Variants in ATP11A observed in about 807,000 individuals in gnomAD.
The protein encoded by ATP11A is phospholipid-transporting ATPase IH.
Under a neutral mutation model 154.4 loss-of-function variants are expected in ATP11A, and 81 were observed. That is an observed-to-expected ratio of 0.52 (90% CI 0.44 to 0.63). The LOEUF is 0.63. Ranked by LOEUF, ATP11A falls within the 30% of genes least tolerant of loss-of-function variation. The pLI is 0.00. For missense variants in ATP11A, 1,316 were observed against 1,474.3 expected, an observed-to-expected ratio of 0.89 and a Z score of 1.76; for synonymous variants, 623 against 585.9, an observed-to-expected ratio of 1.06 and a Z score of -0.91.
chr13:112,757,667 C>T (rs1566435896), intron 1 of ATP11A, among the ~76,000 whole-genome samples: 2 of 152,350 alleles, frequency 1.3e-5, no homozygotes, highest in East Asian at 3.9e-4. Context: ...GGGGCACGGA[C>T]CAGCAGGCCA....
chr13:112,779,303 G>A (rs1209272435), intron 1 of ATP11A, among the ~76,000 whole-genome samples: 39 of 144,290 alleles, frequency 2.7e-4, no homozygotes, highest in African/African-American at 6.8e-4. Flanking sequence ...GTGAGTAGCC[G>A]CTGGAGTGAG....
intron 12 of ATP11A, among the ~76,000 whole-genome samples, chr13:112,827,155 A>C (rs543860018): frequency 1.3e-5 from 2 of 152,310 alleles, no homozygotes; most frequent in Admixed American, 1.3e-4. Flanking sequence ...GCAGGTGTGA[A>C]TCAAGGCTGG....
At chr13:112,781,730 G>A (rs529678093) in intron 1 of ATP11A, among the ~76,000 whole-genome samples, 1 of 145,696 alleles carries the variant, frequency 6.9e-6, no homozygotes, top group South Asian at 2.2e-4. Context: ...CTCTGTCTAT[G>A]GAGTAGCTGT....
intron 4 of ATP11A, among the ~76,000 whole-genome samples, chr13:112,806,500 C>T (rs913428734): frequency 2.6e-5 from 4 of 152,142 alleles, no homozygotes; most frequent in African/African-American, 7.2e-5. Flanking sequence ...TGGCACCATG[C>T]GAGTTCGAGA....
Position 112,807,636 on chromosome 13 carries a change from T to C in ATP11A, c.333+1343T>C, listed in dbSNP as rs1294468099. On this transcript the variant is annotated intron_variant, in intron 4 of 29. Transcript: ENST00000375645. The surrounding 1 kb of genome is among the most constrained non-coding windows in gnomAD (Gnocchi z 4.5). ...TTAAGCAAAACGATGGGTTTTCTCA[T>C]CAACTTCACAAGGAAATGGTGCTGA... Among the ~76,000 whole-genome samples the C allele has an allele frequency of 6.6e-6, 1 of 152,166 alleles. No homozygotes were observed. Among genetic ancestry groups the C allele is most frequent in the African/African-American group, 2.4e-5 (1 of 41,426 alleles).
At chr13:112,743,793 T>G (rs1304330666) in intron 1 of ATP11A, among the ~76,000 whole-genome samples, 1 of 152,228 alleles carries the variant, frequency 6.6e-6, no homozygotes, top group African/African-American at 2.4e-5. Flanking sequence ...ATTGGTTGTT[T>G]ATTTCCTGTG....
chr13:112,780,574 G>A (rs1436591704), intron 1 of ATP11A, among the ~76,000 whole-genome samples: 2 of 152,140 alleles, frequency 1.3e-5, no homozygotes, highest in African/African-American at 2.4e-5. Flanking sequence ...CATGAACAGC[G>A]CAGCCGTGAA....
At chr13:112,762,935 C>T (rs2139886504) in intron 1 of ATP11A, among the ~76,000 whole-genome samples, 1 of 152,362 alleles carries the variant, frequency 6.6e-6, no homozygotes, top group South Asian at 2.1e-4. Flanking sequence ...GTGACCCATC[C>T]TTTTCTGGTA....
At chr13:112,763,798 C>A (rs957525193) in intron 1 of ATP11A, among the ~76,000 whole-genome samples, 1 of 152,186 alleles carries the variant, frequency 6.6e-6, no homozygotes, top group Admixed American at 6.5e-5. Flanking sequence ...GGCTCCCCCA[C>A]CCCCTGCTTG....
At chr13:112,876,890 G>C (rs1274343508) in intron 28 of ATP11A, among the ~76,000 whole-genome samples, 2 of 152,148 alleles carry the variant, frequency 1.3e-5, no homozygotes, top group African/African-American at 4.8e-5. Context: ...CCCTCCCTTG[G>C]GGGGCACAGC....
intron 17 of ATP11A, among the ~76,000 whole-genome samples, chr13:112,849,617 T>G (rs772195850): frequency 3.3e-5 from 5 of 152,260 alleles, no homozygotes; most frequent in Non-Finnish European, 7.3e-5. Flanking sequence ...ATTCTGCAAT[T>G]CGCATTTATG....
At position 112,859,326 on chromosome 13, in the gene ATP11A, C is replaced by T. The variant is rs1045341507; in HGVS notation, c.2668-67C>T. On this transcript the variant is annotated intron_variant, in intron 22 of 29. Coordinates refer to ENST00000375645, the MANE Select transcript of ATP11A (RefSeq NM_015205.3). This position sits in a 1 kb window ranked among gnomAD's most constrained non-coding sequence, Gnocchi z 4.3. ...CCCTCCTCCCATGTGGGGTGGGCCA[C>T]GTCGGTAGGTGGCGGCTGCCTCCCT... The T allele has an allele frequency of 5.1e-5, 71 of 1,380,122 alleles. No individual in the cohort carries two copies. Among genetic ancestry groups the T allele is most frequent in the Non-Finnish European group, 6.6e-5 (64 of 967,648 alleles). The allele number at this position is 1,380,122 out of a possible 1,614,324, so 85.5% of individuals were successfully genotyped here. A position where few individuals can be genotyped will look rare whatever the true frequency, so the allele number is the denominator to read the frequency against.
chr13:112,815,988 A>G, intron 5 of ATP11A, 95 bp from the exon 6 acceptor site: 1 of 1,544,710 alleles, frequency 6.5e-7, no homozygotes. Context: ...TCTTCCTGTG[A>G]ATAGATGAGC....
At chr13:112,769,129 C>A (rs2077166789) in intron 1 of ATP11A, among the ~76,000 whole-genome samples, 1 of 152,174 alleles carries the variant, frequency 6.6e-6, no homozygotes, top group Non-Finnish European at 1.5e-5. Flanking sequence ...TGGGCTGCCC[C>A]CCGGCTCCTC....
At chr13:112,808,980 C>G (rs1452853663) in intron 4 of ATP11A, among the ~76,000 whole-genome samples, 1 of 152,228 alleles carries the variant, frequency 6.6e-6, no homozygotes, top group Admixed American at 6.5e-5. Context: ...CTTCCCGCAG[C>G]CCGGGCGCTA....
At chr13:112,833,119 C>T in intron 14 of ATP11A, 96 bp downstream of exon 14, 1 of 1,476,666 alleles carries the variant, frequency 6.8e-7, no homozygotes, top group Non-Finnish European at 9.2e-7. Context: ...CGTCCTCAGC[C>T]CCACCCTGTG....
intron 25 of ATP11A, among the ~76,000 whole-genome samples, chr13:112,871,248 A>T (rs1359180398): frequency 6.6e-6 from 1 of 152,236 alleles, no homozygotes; most frequent in African/African-American, 2.4e-5. Flanking sequence ...ACAGTCTGTG[A>T]GTTTGTTCCT....
chr13:112,722,310 A>G (rs9549559), intron 1 of ATP11A, among the ~76,000 whole-genome samples: 99,200 of 130,168 alleles, frequency 0.76, 39,039 homozygotes, highest in East Asian at 0.91. Flanking sequence ...GGGCCCGGGG[A>G]GAGGGGGGCG....
intron 20 of ATP11A, chr13:112,856,380 C>G (rs1169921070): frequency 5.0e-5 from 12 of 239,200 alleles, no homozygotes; most frequent in Non-Finnish European, 2.4e-5. Context: ...CTCAATCACT[C>G]CTGAGAATCT....
Sources: allele counts gnomAD v4.1 joint callset (sites outside exome capture counted in the v4.1 genomes callset), GRCh38; gene constraint gnomAD v4.1.1; non-coding constraint Gnocchi (gnomAD v3.1); transcripts MANE v1.5; gene names NCBI Gene and HGNC (gene_info 2026-07-23, HGNC 2026-07-21).